The following FSTL5 variants were observed in gnomAD, a reference collection of about 807,000 sequenced individuals.
The protein encoded by FSTL5 is follistatin-related protein 5.
FSTL5 carries 62 observed loss-of-function variants against 89.1 expected under a neutral mutation model. The ratio of observed to expected loss-of-function variants is 0.70; its 90% CI spans 0.57 to 0.86. FSTL5 has a LOEUF of 0.86. Ranked by LOEUF, FSTL5 falls within the 40% of genes least tolerant of loss-of-function variation. The pLI is 0.00. For missense variants in FSTL5, 1,057 were observed against 1,001.6 expected (o/e 1.06, Z -0.75); for synonymous variants, 383 against 346.2 (o/e 1.11, Z -1.18).
chr4:161,669,544 A>T (rs1397047416), intron 6 of FSTL5, among the ~76,000 whole-genome samples: 1 of 152,194 alleles, frequency 6.6e-6, no homozygotes, highest in Non-Finnish European at 1.5e-5. Context: ...AAGGTAGAAA[A>T]GTAAAATTTT....
Position 161,654,905 on chromosome 4 carries a change from G to A in FSTL5, c.894+1423C>T, listed in dbSNP as rs151122446. ...ACTTTTTGATGCTCACTCTAAACAG[G>A]TAGCATAGAAGGAACAGGTGATTGC... On this transcript the variant is annotated intron_variant, in intron 7 of 15. Transcript: ENST00000306100. Among the ~76,000 whole-genome samples the A allele has an allele frequency of 6.0e-3, 916 of 152,196 alleles. 9 individuals carry two copies. The highest frequency in any genetic ancestry group is 0.045 in the South Asian group (218 of 4,820).
At chr4:162,036,387 T>A (rs1737741771) in intron 2 of FSTL5, among the ~76,000 whole-genome samples, 1 of 152,062 alleles carries the variant, frequency 6.6e-6, no homozygotes, top group Non-Finnish European at 1.5e-5. Flanking sequence ...TCTTGAGAGA[T>A]AATAAACCTC....
chr4:161,498,621 C>A (rs543687075), intron 12 of FSTL5, among the ~76,000 whole-genome samples: 2 of 152,170 alleles, frequency 1.3e-5, no homozygotes, highest in Admixed American at 6.5e-5. Context: ...TCGTTAGCTG[C>A]AAAACTGCTA....
At chr4:161,670,933 G>A (rs1737080098) in intron 6 of FSTL5, among the ~76,000 whole-genome samples, 1 of 152,116 alleles carries the variant, frequency 6.6e-6, no homozygotes. Context: ...AAAAGCATCA[G>A]GTTTAGTAAG....
intron 4 of FSTL5, among the ~76,000 whole-genome samples, chr4:161,835,745 C>T (rs1433668461): frequency 6.6e-6 from 1 of 152,176 alleles, no homozygotes; most frequent in African/African-American, 2.4e-5. Flanking sequence ...AAATCAAAAC[C>T]ACAATGGGAT....
At chr4:162,091,111 CCTT>C (rs1257334217) in intron 2 of FSTL5, among the ~76,000 whole-genome samples, 1 of 152,066 alleles carries the variant, frequency 6.6e-6, no homozygotes, top group Non-Finnish European at 1.5e-5. Context: ...TACATTTACT[CCTT>C]CTTCTTAGTA....
At chr4:162,122,997 A>G (rs17041987) in intron 1 of FSTL5, among the ~76,000 whole-genome samples, 32,248 of 151,990 alleles carry the variant, frequency 0.21, 3,662 homozygotes, top group African/African-American at 0.23. Context: ...AAATTAAGGA[A>G]GAATACAGCT....
At chr4:161,783,482 CTTCT>C (rs371513569) in intron 4 of FSTL5, among the ~76,000 whole-genome samples, 117 of 151,618 alleles carry the variant, frequency 7.7e-4, no homozygotes, top group African/African-American at 2.5e-3. Context: ...TGCATTATGT[CTTCT>C]TTCTTTCTTT....
At chr4:161,794,777 T>C (rs892831387) in intron 4 of FSTL5, among the ~76,000 whole-genome samples, 9 of 152,162 alleles carry the variant, frequency 5.9e-5, no homozygotes, top group African/African-American at 1.7e-4. Context: ...ACCTGCAGTT[T>C]CTTGAATTGG....
chr4:161,754,424 C>T (rs539585088), intron 6 of FSTL5, among the ~76,000 whole-genome samples: 6 of 152,166 alleles, frequency 3.9e-5, no homozygotes, highest in African/African-American at 1.4e-4. Context: ...CAACTTAGAA[C>T]AGTTTAGTAA....
intron 6 of FSTL5, among the ~76,000 whole-genome samples, chr4:161,714,783 T>C (rs1269381940): frequency 6.6e-6 from 1 of 152,212 alleles, no homozygotes; most frequent in Non-Finnish European, 1.5e-5. Context: ...CTGGTTTGAT[T>C]ATAGAAGCAA....
chr4:161,540,409 T>C (rs1018611760), intron 9 of FSTL5, among the ~76,000 whole-genome samples: 2 of 150,998 alleles, frequency 1.3e-5, no homozygotes, highest in Non-Finnish European at 3.0e-5. Flanking sequence ...TAATACTAAC[T>C]TCACTCTCAG....
chr4:161,619,101 A>G (rs2126643678), intron 7 of FSTL5, among the ~76,000 whole-genome samples: 1 of 152,294 alleles, frequency 6.6e-6, no homozygotes, highest in Non-Finnish European at 1.5e-5. Flanking sequence ...AGGATTCCCT[A>G]TTTAATAAAT....
intron 10 of FSTL5, among the ~76,000 whole-genome samples, chr4:161,526,531 T>A (rs1345509527): frequency 1.3e-5 from 2 of 152,192 alleles, no homozygotes; most frequent in Non-Finnish European, 2.9e-5. Context: ...CATGCCTATG[T>A]CCTGAATGGT....
chr4:161,706,219 T>A (rs1406408377), intron 6 of FSTL5, among the ~76,000 whole-genome samples: 1 of 151,372 alleles, frequency 6.6e-6, no homozygotes, highest in Non-Finnish European at 1.5e-5. Flanking sequence ...TATGTTAGTG[T>A]TAGAATTTAT....
intron 3 of FSTL5, among the ~76,000 whole-genome samples, chr4:161,948,386 G>T (rs1255005903): frequency 6.6e-6 from 1 of 150,910 alleles, no homozygotes; most frequent in South Asian, 2.1e-4. Flanking sequence ...TATAGTGCAA[G>T]TCAGGTGGAG....
chr4:162,146,756 C>T (rs10022027), intron 1 of FSTL5, among the ~76,000 whole-genome samples: 1 of 139,490 alleles, frequency 7.2e-6, no homozygotes, highest in Admixed American at 7.3e-5. Context: ...TCTCCTTTCT[C>T]TCTCTCTCTC....
chr4:162,016,883 T>C (rs1438249531), intron 3 of FSTL5, among the ~76,000 whole-genome samples: 3 of 151,952 alleles, frequency 2.0e-5, no homozygotes, highest in African/African-American at 7.3e-5. Context: ...CATTTCAGCA[T>C]CTTTTGGAGA....
chr4:161,829,648 T>C lies in FSTL5; in HGVS notation c.410-53574A>G, dbSNP rs376441493. On this transcript the variant is annotated intron_variant, in intron 4 of 15. Coordinates refer to ENST00000306100, the MANE Select transcript of FSTL5 (RefSeq NM_020116.5). Reference sequence around the variant, plus strand: ...AGAAGGAAACAATAATCTGTTTGGCTACTATGCCAAGAGGGACCCTAACAG... The same window carrying C: ...AGAAGGAAACAATAATCTGTTTGGCCACTATGCCAAGAGGGACCCTAACAG... Among the ~76,000 whole-genome samples, 122 of 152,226 alleles carry C rather than the reference T, an allele frequency of 8.0e-4. 1 individual carries two copies. Among genetic ancestry groups the C allele is most frequent in the Middle Eastern group, 6.8e-3 (2 of 294 alleles).
Sources: allele counts gnomAD v4.1 joint callset (sites outside exome capture counted in the v4.1 genomes callset), GRCh38; gene constraint gnomAD v4.1.1; transcripts MANE v1.5; gene names NCBI Gene and HGNC (gene_info 2026-07-23, HGNC 2026-07-21).